FCHO2: variants seen among roughly 807,000 people sequenced by gnomAD.
FCHO2 encodes FCH and mu domain containing endocytic adaptor 2.
Under a neutral mutation model 114.1 loss-of-function variants are expected in FCHO2, and 43 were observed. The observed-to-expected ratio is 0.38, with a 90% confidence interval of 0.30 to 0.49. The LOEUF (loss-of-function observed/expected upper bound fraction) is 0.49. FCHO2 is among the 20% of genes least tolerant of loss of function. The pLI is 0.97. For synonymous variants in FCHO2, 293 were observed against 315.2 expected, an observed-to-expected ratio of 0.93 and a Z score of 0.75; for missense variants, 807 against 950.4, an observed-to-expected ratio of 0.85 and a Z score of 1.98.
At chr5:72,957,141 T>C (rs1468184014) in intron 1 of FCHO2, among the ~76,000 whole-genome samples, 1 of 152,200 alleles carries the variant, frequency 6.6e-6, no homozygotes, top group East Asian at 1.9e-4. Context: ...TCATAGTTAT[T>C]TATTTGTCTT....
At chr5:73,062,041 T>G (rs1348908464) in intron 17 of FCHO2, among the ~76,000 whole-genome samples, 1 of 152,040 alleles carries the variant, frequency 6.6e-6, no homozygotes, top group Non-Finnish European at 1.5e-5. Flanking sequence ...AGATATAGAG[T>G]AGCCCTTATC....
chr5:73,087,691 T>C lies in FCHO2; in HGVS notation c.2348T>C (p.Val783Ala), dbSNP rs1250571800. 3.1e-6 allele frequency: 5 copies of C among 1,613,244 alleles called. No individual in the cohort carries two copies. Among genetic ancestry groups the C allele is most frequent in the Admixed American group, 3.3e-5 (2 of 59,908 alleles). The stretch of plus-strand genomic sequence containing the variant: ...AGCGAGGGAAGTACCCTTTCAGGAG[T>C]AGATTTCGAACTTGTGGGCACTGGC... The part of the protein sequence containing the change: ...FLSEGSTLSG[V>A]DFELVGTGYR... Residue 783 changes from valine (V) to alanine (A), a missense_variant, in exon 25 of 26, where the codon GTA becomes GCA. Transcript: ENST00000430046.
chr5:72,982,689 C>T lies in FCHO2; in HGVS notation c.126-6738C>T, dbSNP rs183165027. ...GCGTTTAGATACTGTTCTAAAAAGTCGTCACCATACCCAATGTTGTCTAGG... is the reference window on the plus strand; with the variant it reads ...GCGTTTAGATACTGTTCTAAAAAGTTGTCACCATACCCAATGTTGTCTAGG... On this transcript the variant is annotated intron_variant, in intron 2 of 25. Transcript: ENST00000430046. Among the ~76,000 whole-genome samples, 6 of 152,240 alleles carry T rather than the reference C, an allele frequency of 3.9e-5. No homozygotes were observed. In the East Asian group the frequency reaches 7.7e-4, roughly 20 times the overall value.
rs1307921445 is a variant in FCHO2, at chr5:73,089,533, C to T, written c.*1443C>T. 2.0e-5 allele frequency: 3 copies of T among 152,142 alleles called. No homozygotes were observed. The highest frequency in any genetic ancestry group is 4.4e-5 in the Non-Finnish European group (3 of 67,864). 9.4% of individuals were successfully genotyped at this position (152,142 alleles called of 1,614,324 possible). On this transcript the variant is annotated 3_prime_UTR_variant, in exon 26 of 26. Transcript: ENST00000430046. The stretch of plus-strand genomic sequence containing the variant: ...CTACCAATACTAAATAGTAAGAAAC[C>T]TAACTTTAGTAGCAAATCTTGATTA...
At chr5:73,016,014 A>G (rs994022818) in intron 7 of FCHO2, among the ~76,000 whole-genome samples, 4 of 152,080 alleles carry the variant, frequency 2.6e-5, no homozygotes, top group African/African-American at 7.2e-5. Context: ...TTCTTTTTTC[A>G]AGCTTTACTA....
At chr5:73,077,907 T>C (rs1742968173) in intron 21 of FCHO2, among the ~76,000 whole-genome samples, 1 of 152,164 alleles carries the variant, frequency 6.6e-6, no homozygotes, top group Non-Finnish European at 1.5e-5. Flanking sequence ...TTGAAAACCA[T>C]ACCAAAATTA....
At chr5:73,080,887 G>C (rs1248747281) in intron 22 of FCHO2, among the ~76,000 whole-genome samples, 1 of 152,134 alleles carries the variant, frequency 6.6e-6, no homozygotes, top group Non-Finnish European at 1.5e-5. Flanking sequence ...GAGGCGAGAA[G>C]ATTGCTTGAG....
intron 8 of FCHO2, among the ~76,000 whole-genome samples, chr5:73,033,671 C>G (rs1357171347): frequency 2.0e-5 from 3 of 152,040 alleles, no homozygotes; most frequent in African/African-American, 7.2e-5. Flanking sequence ...AAAAGCTAGA[C>G]TTTCATGAAT....
chr5:72,973,336 C>T (rs954489751), intron 2 of FCHO2, among the ~76,000 whole-genome samples: 5 of 152,166 alleles, frequency 3.3e-5, no homozygotes, highest in African/African-American at 9.7e-5. Flanking sequence ...TGGTCCTGTA[C>T]TCTTTTTGGT....
chr5:73,043,030 G>A (rs1756879535), intron 11 of FCHO2, among the ~76,000 whole-genome samples: 1 of 152,162 alleles, frequency 6.6e-6, no homozygotes, highest in Non-Finnish European at 1.5e-5. Flanking sequence ...CTGGGCTCAA[G>A]CAATCATCTT....
intron 18 of FCHO2, among the ~76,000 whole-genome samples, chr5:73,065,576 T>G (rs1742270651): frequency 6.6e-6 from 1 of 152,064 alleles, no homozygotes; most frequent in African/African-American, 2.4e-5. Context: ...GTTGTGAGAC[T>G]TAAATGAGTT....
Position 72,956,206 on chromosome 5 carries a change from C to T in FCHO2, c.33+77C>T, listed in dbSNP as rs1188451650. ...GCCTGAGCTTGGCCTGCGTGCGCTT[C>T]GGGCGGCGGCGGCGGCCCCTCCGGC... On this transcript the variant is annotated intron_variant, in intron 1 of 25. Coordinates refer to ENST00000430046, the MANE Select transcript of FCHO2 (RefSeq NM_138782.3). 59 of 1,410,220 alleles carry T rather than the reference C, an allele frequency of 4.2e-5. No individual in the cohort carries two copies. The East Asian group carries it at 1.4e-3, about 33-fold the overall frequency. 87.4% of individuals were successfully genotyped at this position (1,410,220 alleles called of 1,614,324 possible).
intron 1 of FCHO2, among the ~76,000 whole-genome samples, chr5:72,956,922 A>T (rs1751579720): frequency 6.6e-6 from 1 of 151,572 alleles, no homozygotes. Flanking sequence ...TGGGAAGTAC[A>T]GTTCAGCCAT....
At chr5:73,066,072 A>G (rs1480325690) in intron 18 of FCHO2, among the ~76,000 whole-genome samples, 1 of 151,996 alleles carries the variant, frequency 6.6e-6, no homozygotes, top group African/African-American at 2.4e-5. Flanking sequence ...AATTATTCTT[A>G]TTTCATAGTC....
intron 1 of FCHO2, among the ~76,000 whole-genome samples, chr5:72,957,967 C>T (rs565450723): frequency 6.2e-4 from 94 of 150,860 alleles, no homozygotes; most frequent in African/African-American, 2.1e-3. Context: ...TTTATATTTT[C>T]TTTGGAGAAA....
intron 11 of FCHO2, among the ~76,000 whole-genome samples, chr5:73,044,309 G>GCTCA (rs1367082798): frequency 1.3e-5 from 2 of 152,184 alleles, no homozygotes; most frequent in Non-Finnish European, 2.9e-5. Context: ...AACGATCATA[G>GCTCA]CTCACTTCAG....
At chr5:73,035,275 C>T (rs1257825442) in intron 9 of FCHO2, among the ~76,000 whole-genome samples, 2 of 152,090 alleles carry the variant, frequency 1.3e-5, no homozygotes, top group African/African-American at 4.8e-5. Flanking sequence ...TTAAAATTAG[C>T]AGGTGTGGTG....
At chr5:72,971,771 T>C (rs1752570506) in intron 2 of FCHO2, among the ~76,000 whole-genome samples, 2 of 152,234 alleles carry the variant, frequency 1.3e-5, no homozygotes, top group Admixed American at 1.3e-4. Context: ...ATGAAGTCCT[T>C]GCCCATGCCT....
chr5:73,055,091 A>G, intron 15 of FCHO2: 3 of 383,570 alleles, frequency 7.8e-6, no homozygotes, highest in Non-Finnish European at 1.6e-5. Context: ...AAACTTTAAC[A>G]TCAGTTTTAT....
Sources: allele counts gnomAD v4.1 joint callset (sites outside exome capture counted in the v4.1 genomes callset), GRCh38; gene constraint gnomAD v4.1.1; transcripts MANE v1.5; gene names NCBI Gene and HGNC (gene_info 2026-07-23, HGNC 2026-07-21).